LEMD1: variants seen among roughly 807,000 people sequenced by gnomAD.
LEMD1 encodes LEM domain containing 1, also known as LEM domain-containing protein 1.
A neutral mutation model predicts 17.4 loss-of-function variants in LEMD1; 18 were observed. The ratio of observed to expected loss-of-function variants is 1.04; its 90% CI spans 0.72 to 1.54. The LOEUF (loss-of-function observed/expected upper bound fraction) is 1.54, where lower values mean the gene tolerates loss of function less well. Ranked by LOEUF, LEMD1 falls within the 40% of genes most tolerant of loss-of-function variation. The pLI is 0.00. For synonymous variants in LEMD1, 88 were observed against 77.8 expected (o/e 1.13, Z -0.69); for missense variants, 195 against 210.4 (o/e 0.93, Z 0.45).
intron 3 of LEMD1, among the ~76,000 whole-genome samples, chr1:205,418,525 CT>C (rs1428869040): frequency 2.0e-5 from 3 of 151,326 alleles, no homozygotes; most frequent in Admixed American, 6.6e-5. Flanking sequence ...TCTGGTTCAT[CT>C]TTTTTTTTAG....
intron 4 of LEMD1, among the ~76,000 whole-genome samples, chr1:205,411,148 AAAG>A (rs1665383130): frequency 6.9e-6 from 1 of 144,102 alleles, no homozygotes; most frequent in Non-Finnish European, 1.5e-5. Flanking sequence ...AAGGAAGGAA[AAAG>A]AAAGAAGAAA....
intron 4 of LEMD1, among the ~76,000 whole-genome samples, chr1:205,413,586 ACTTTTT>A (rs1416836151): frequency 8.1e-6 from 1 of 122,848 alleles, no homozygotes; most frequent in African/African-American, 3.3e-5. Flanking sequence ...ACCATGCCCA[ACTTTTT>A]TTTTTTTTTT....
upstream of LEMD1, among the ~76,000 whole-genome samples, chr1:205,424,212 C>T (rs988727820): frequency 1.3e-5 from 2 of 152,102 alleles, no homozygotes; most frequent in Non-Finnish European, 2.9e-5. Context: ...GTCTAAAGCC[C>T]GCATCACTCA....
intron 5 of LEMD1, 66 bp downstream of exon 5, chr1:205,384,222 T>G: frequency 1.1e-6 from 1 of 915,890 alleles, no homozygotes; most frequent in Non-Finnish European, 1.6e-6. Context: ...TCTGAATAAT[T>G]AGTTTTTTCC....
intron 4 of LEMD1, among the ~76,000 whole-genome samples, chr1:205,407,756 C>T (rs911254777): frequency 6.6e-6 from 1 of 152,130 alleles, no homozygotes; most frequent in Non-Finnish European, 1.5e-5. Context: ...AGACCCAGGA[C>T]TTGAGATTGG....
rs1345341934 is a variant in LEMD1, at chr1:205,448,108, G to A, written c.-39+1760C>T. ...GAGGGAATCTCCCTCTGGAATCACC[G>A]GCCCAGTCTCTTCATTCCAGAGTGA... On this transcript the variant is annotated intron_variant, in intron 1 of 3. Coordinates refer to the LEMD1 transcript ENST00000367154. The surrounding 1 kb of genome is among the most constrained non-coding windows in gnomAD (Gnocchi z 4.7). Among the ~76,000 whole-genome samples the A allele has an allele frequency of 6.6e-6, 1 of 152,124 alleles. No individual in the cohort carries two copies. The highest frequency in any genetic ancestry group is 2.4e-5 in the African/African-American group (1 of 41,436).
At chr1:205,404,327 G>A (rs1558721473) in intron 4 of LEMD1, among the ~76,000 whole-genome samples, 1 of 152,020 alleles carries the variant, frequency 6.6e-6, no homozygotes, top group Non-Finnish European at 1.5e-5. Context: ...TTATTATTGT[G>A]TGGGAGTCTA....
intron 4 of LEMD1, among the ~76,000 whole-genome samples, chr1:205,401,237 G>T (rs1664836901): frequency 6.6e-6 from 1 of 152,126 alleles, no homozygotes; most frequent in South Asian, 2.1e-4. Context: ...GGGTCAAATG[G>T]TATTTCTAGT....
rs1434927849 is a variant in LEMD1, at chr1:205,419,363, A to C, written c.83-11T>G. ...ACTTTCTGGTGGAAGCTGAGGAAGA[A>C]TTTGGAGAACAAATTAAATTGTTCT... On this transcript the variant is annotated splice_polypyrimidine_tract_variant and intron_variant, in intron 2 of 5. Coordinates refer to ENST00000367153, the MANE Select transcript of LEMD1 (RefSeq NM_001199050.2). 6.2e-7 allele frequency: 1 copy of C among 1,614,166 alleles called. No homozygotes were observed. The highest frequency in any genetic ancestry group is 8.5e-7 in the Non-Finnish European group (1 of 1,179,984).
rs1202450022 is a variant in LEMD1, at chr1:205,407,329, C to CAA, written c.270+8901_270+8902dup. ...TGGGCAACACAGAAAGACCCCATCT[C>CAA]AAAAAAAAAAAAAAAAAAAAGGATT... On this transcript the variant is annotated intron_variant, in intron 4 of 5. Transcript: ENST00000367153. Among the ~76,000 whole-genome samples, 241 of 55,230 alleles carry CAA rather than the reference C, an allele frequency of 4.4e-3. 3 individuals are homozygous for CAA. Among genetic ancestry groups the CAA allele is most frequent in the Middle Eastern group, 0.012 (1 of 82 alleles). 36.2% of individuals were successfully genotyped at this position (55,230 alleles called of 152,430 possible).
chr1:205,406,206 G>A (rs11806257), intron 4 of LEMD1, among the ~76,000 whole-genome samples: 46,554 of 151,952 alleles, frequency 0.31, 7,337 homozygotes, highest in African/African-American at 0.38. Context: ...CTCCAGCTGC[G>A]TACTGGGAGA....
intron 1 of LEMD1, among the ~76,000 whole-genome samples, chr1:205,430,974 G>A (rs1666118542): frequency 6.6e-6 from 1 of 152,220 alleles, no homozygotes; most frequent in South Asian, 2.1e-4. Flanking sequence ...GGCTGAGGCT[G>A]AGATGATGGG....
intron 4 of LEMD1, among the ~76,000 whole-genome samples, chr1:205,393,804 T>G (rs1558712735): frequency 6.8e-6 from 1 of 146,954 alleles, no homozygotes. Flanking sequence ...TCTCCGAAAG[T>G]CAGATATAGA....
intron 4 of LEMD1, chr1:205,387,118 A>C (rs920174261): frequency 1.3e-5 from 2 of 152,156 alleles, no homozygotes; most frequent in Non-Finnish European, 2.9e-5. Context: ...TGCCATAAGG[A>C]GATTTAGGCC....
upstream of LEMD1, among the ~76,000 whole-genome samples, chr1:205,422,661 G>A (rs1287316220): frequency 1.3e-5 from 2 of 152,142 alleles, no homozygotes; most frequent in African/African-American, 4.8e-5. Flanking sequence ...TTTGTTTAAG[G>A]AAAGATCGGT....
chr1:205,388,941 C>T (rs1030256770), intron 4 of LEMD1, among the ~76,000 whole-genome samples: 1 of 148,952 alleles, frequency 6.7e-6, no homozygotes, highest in African/African-American at 2.5e-5. Context: ...TATCACATTA[C>T]AGTTAACTAC....
chr1:205,387,248 T>G (rs1375452514), intron 4 of LEMD1: 3 of 152,176 alleles, frequency 2.0e-5, no homozygotes, highest in African/African-American at 7.2e-5. Flanking sequence ...ATGGCCTATC[T>G]ACCTGACTGT....
At chr1:205,408,602 A>G (rs1665238713) in intron 4 of LEMD1, among the ~76,000 whole-genome samples, 1 of 149,062 alleles carries the variant, frequency 6.7e-6, no homozygotes. Context: ...GGCTCAAGCC[A>G]TCCTTTCACC....
intron 4 of LEMD1, among the ~76,000 whole-genome samples, chr1:205,394,029 G>A (rs1053673672): frequency 2.6e-5 from 4 of 152,070 alleles, no homozygotes; most frequent in African/African-American, 9.7e-5. Flanking sequence ...GCCATAAAAA[G>A]GAATGAAGTG....
Sources: allele counts gnomAD v4.1 joint callset (sites outside exome capture counted in the v4.1 genomes callset), GRCh38; gene constraint gnomAD v4.1.1; non-coding constraint Gnocchi (gnomAD v3.1); transcripts MANE v1.5; gene names NCBI Gene and HGNC (gene_info 2026-07-23, HGNC 2026-07-21).